Variants in NXPH1 observed in about 807,000 individuals in gnomAD.
NXPH1 encodes neurexophilin 1.
In NXPH1, 5 loss-of-function variants were observed where a neutral mutation model predicts 23.7. The ratio of observed to expected loss-of-function variants is 0.21; its 90% CI spans 0.11 to 0.44. NXPH1 has a LOEUF of 0.44. Ranked by LOEUF, NXPH1 falls within the 20% of genes least tolerant of loss-of-function variation. The probability of loss-of-function intolerance (pLI) is 0.99; values close to 1 mark genes in which losing one functional copy is unlikely to be tolerated. For missense variants in NXPH1, 324 were observed against 321.6 expected, an observed-to-expected ratio of 1.01 and a Z score of -0.06; for synonymous variants, 144 against 122.2, an observed-to-expected ratio of 1.18 and a Z score of -1.18.
chr7:8,700,656 G>A (rs532440915), intron 2 of NXPH1, among the ~76,000 whole-genome samples: 143 of 152,160 alleles, frequency 9.4e-4, no homozygotes, highest in African/African-American at 2.9e-3. Context: ...AATAGTTTTC[G>A]TTCTTTATGA....
chr7:8,658,855 G>C (rs1820622478), intron 2 of NXPH1, among the ~76,000 whole-genome samples: 1 of 151,986 alleles, frequency 6.6e-6, no homozygotes, highest in Non-Finnish European at 1.5e-5. Context: ...GATGATTTTG[G>C]GACAGGGTAG....
In NXPH1 at chr7:8,543,060, C is replaced by T. The variant is rs117175915; in HGVS notation, c.54+107293C>T. 3.1e-3 allele frequency among the ~76,000 whole-genome samples: 476 copies of T among 151,686 alleles called. 7 individuals carry two copies. The highest frequency in any genetic ancestry group is 0.024 in the East Asian group (125 of 5,114). ...ATGCATTTGAGCTATCCCTCCTTGACCCCCATGATGATTGTCCTTTTGGGG... is the reference window on the plus strand; with the variant it reads ...ATGCATTTGAGCTATCCCTCCTTGATCCCCATGATGATTGTCCTTTTGGGG... On this transcript the variant is annotated intron_variant, in intron 2 of 2. Transcript: ENST00000405863.
At chr7:8,721,557 C>T (rs1219182308) in intron 2 of NXPH1, among the ~76,000 whole-genome samples, 3 of 152,064 alleles carry the variant, frequency 2.0e-5, no homozygotes, top group South Asian at 2.1e-4. Context: ...GGGTGGATCA[C>T]GAGGTCAGGA....
intron 2 of NXPH1, among the ~76,000 whole-genome samples, chr7:8,551,785 G>A (rs1293580308): frequency 6.6e-6 from 1 of 151,332 alleles, no homozygotes; most frequent in Non-Finnish European, 1.5e-5. Context: ...GCAAACAAAT[G>A]AGCAAGAAAA....
chr7:8,690,450 T>C (rs530324823), intron 2 of NXPH1: 26 of 152,232 alleles, frequency 1.7e-4, no homozygotes, highest in Non-Finnish European at 3.1e-4. Flanking sequence ...ATGATTAGTA[T>C]TTTTAGTTTG....
At chr7:8,516,746 GGAGAGAAAA>G (rs1444018572) in intron 2 of NXPH1, among the ~76,000 whole-genome samples, 1 of 152,006 alleles carries the variant, frequency 6.6e-6, no homozygotes, top group Non-Finnish European at 1.5e-5. Context: ...AAGTGGAGAG[GGAGAGAAAA>G]AGAATGAATC....
chr7:8,588,402 C>G (rs1429028763), intron 2 of NXPH1, among the ~76,000 whole-genome samples: 1 of 151,966 alleles, frequency 6.6e-6, no homozygotes, highest in Non-Finnish European at 1.5e-5. Flanking sequence ...TAAAACTGCA[C>G]TGGGATATCT....
chr7:8,748,544 C>G lies in NXPH1; in HGVS notation c.55-2464C>G, dbSNP rs1400265509. On this transcript the variant is annotated intron_variant, in intron 2 of 2. Transcript: ENST00000405863. ...TGTTTCTCTTAGATGTGACCTTGCC[C>G]TGACAATAGTCCAGAGACTGATTCT... Among the ~76,000 whole-genome samples, 17 of 152,192 alleles carry G rather than the reference C, an allele frequency of 1.1e-4. No homozygotes were observed. The East Asian group carries it at 3.3e-3, about 29-fold the overall frequency.
intron 2 of NXPH1, among the ~76,000 whole-genome samples, chr7:8,513,279 GAAGGGATATCACAGAAT>G (rs1288324486): frequency 2.0e-5 from 3 of 152,032 alleles, no homozygotes; most frequent in Non-Finnish European, 2.9e-5. Context: ...AGAATAGAAT[GAAGGGATATCACAGAAT>G]AGAATAGGTT....
chr7:8,567,294 A>G (rs1432355164), intron 2 of NXPH1, among the ~76,000 whole-genome samples: 2 of 151,962 alleles, frequency 1.3e-5, no homozygotes, highest in Admixed American at 6.6e-5. Context: ...CTTGCTAAGT[A>G]TGAATTATTT....
intron 2 of NXPH1, among the ~76,000 whole-genome samples, chr7:8,738,023 AGC>A (rs1375043392): frequency 3.3e-5 from 5 of 152,110 alleles, no homozygotes; most frequent in Non-Finnish European, 7.4e-5. Context: ...TAATCTAGTT[AGC>A]AATTCATCCA....
intron 2 of NXPH1, among the ~76,000 whole-genome samples, chr7:8,679,414 C>T (rs1159410958): frequency 6.6e-6 from 1 of 152,006 alleles, no homozygotes; most frequent in Admixed American, 6.5e-5. Context: ...AACTGTATCC[C>T]GTTTATCTGT....
At chr7:8,663,780 T>C (rs748156220) in intron 2 of NXPH1, among the ~76,000 whole-genome samples, 33 of 152,092 alleles carry the variant, frequency 2.2e-4, no homozygotes, top group Non-Finnish European at 7.4e-5. Flanking sequence ...AGAGAAATAA[T>C]TGGGTTTCCA....
rs1056254941 is a variant in NXPH1, at chr7:8,688,122, GC to G, written c.55-62885del. On this transcript the variant is annotated intron_variant, in intron 2 of 2. Coordinates refer to ENST00000405863, the MANE Select transcript of NXPH1 (RefSeq NM_152745.3). ...CTTCTCCATGGCATCTTGGACAAGA[GC>G]TTTTGCTTACTTTGGCAGAGGTCTG... Among the ~76,000 whole-genome samples the G allele has an allele frequency of 3.0e-4, 45 of 152,216 alleles. No homozygotes were observed. In the Middle Eastern group the frequency reaches 0.014, roughly 46 times the overall value.
At chr7:8,608,314 C>A (rs185748959) in intron 2 of NXPH1, among the ~76,000 whole-genome samples, 1 of 148,762 alleles carries the variant, frequency 6.7e-6, no homozygotes, top group African/African-American at 2.5e-5. Flanking sequence ...AGGACAAATT[C>A]TTAAAAATTC....
chr7:8,588,978 GA>G lies in NXPH1; in HGVS notation c.54+153218del, dbSNP rs969262157. On this transcript the variant is annotated intron_variant, in intron 2 of 2. Transcript: ENST00000405863. ...TGTGTATTAGCACTATATGGAAATA[GA>G]AAAAAATCTAGACTATCCAAGTTTG... Among the ~76,000 whole-genome samples the G allele has an allele frequency of 9.1e-4, 139 of 152,080 alleles. 1 individual carries two copies. The highest frequency in any genetic ancestry group is 3.2e-3 in the African/African-American group (133 of 41,516).
chr7:8,481,900 C>T (rs987462305), intron 2 of NXPH1, among the ~76,000 whole-genome samples: 5 of 152,162 alleles, frequency 3.3e-5, no homozygotes, highest in Admixed American at 2.6e-4. Flanking sequence ...GGAGTTCTTG[C>T]ATAGATCACA....
intron 2 of NXPH1, among the ~76,000 whole-genome samples, chr7:8,723,314 T>G (rs1001149771): frequency 6.6e-6 from 1 of 152,188 alleles, no homozygotes; most frequent in Non-Finnish European, 1.5e-5. Context: ...TCAGTATTCT[T>G]TTCATTACCA....
chr7:8,456,584 G>A (rs1816598469), intron 2 of NXPH1, among the ~76,000 whole-genome samples: 1 of 152,170 alleles, frequency 6.6e-6, no homozygotes, highest in South Asian at 2.1e-4. Flanking sequence ...TCAGGGGTCA[G>A]TGAATCATGG....
Sources: gnomAD v4.1 joint callset for allele counts (sites outside exome capture counted in the v4.1 genomes callset) on GRCh38, gnomAD v4.1.1 for gene constraint, MANE v1.5 for transcripts, NCBI Gene and HGNC (gene_info 2026-07-23, HGNC 2026-07-21) for gene names.